Variants in ADAMTS18 observed in about 807,000 individuals in gnomAD.
ADAMTS18 encodes the protein ADAM metallopeptidase with thrombospondin type 1 motif 18.
Under a neutral mutation model 165.9 loss-of-function variants are expected in ADAMTS18, and 157 were observed. The observed-to-expected ratio is 0.95, with a 90% CI of 0.83 to 1.08. The LOEUF is 1.08. ADAMTS18 is among the 50% of genes least tolerant of loss of function. The pLI, the probability that ADAMTS18 is intolerant of heterozygous loss-of-function variation, is 0.00. For missense variants in ADAMTS18, 2,040 were observed against 1,534.0 expected, an observed-to-expected ratio of 1.33 and a Z score of -5.51; for synonymous variants, 782 against 578.2, an observed-to-expected ratio of 1.35 and a Z score of -5.06.
At chr16:77,295,251 G>C in intron 18 of ADAMTS18, 124 bp from the exon 19 acceptor site, 1 of 973,278 alleles carries the variant, frequency 1.0e-6, no homozygotes, top group African/African-American at 1.6e-5. Flanking sequence ...AATAAGATAA[G>C]TTATTCTAAT....
At chr16:77,375,802 A>C (rs1204325888) in intron 3 of ADAMTS18, among the ~76,000 whole-genome samples, 8 of 152,186 alleles carry the variant, frequency 5.3e-5, no homozygotes, top group Admixed American at 5.2e-4. Flanking sequence ...AGGCTGTACA[A>C]GAAGCATGAC....
chr16:77,393,158 T>C (rs12373076), intron 3 of ADAMTS18, among the ~76,000 whole-genome samples: 18,502 of 152,240 alleles, frequency 0.12, 1,407 homozygotes, highest in East Asian at 0.24. Flanking sequence ...TGAAAACAGA[T>C]GTCCAGAGCA....
intron 6 of ADAMTS18, among the ~76,000 whole-genome samples, chr16:77,363,213 G>C (rs2056741283): frequency 6.6e-6 from 1 of 152,248 alleles, no homozygotes; most frequent in Non-Finnish European, 1.5e-5. Flanking sequence ...TACATGTTCT[G>C]GTTTTCATAA....
chr16:77,422,946 G>A (rs988718059), intron 3 of ADAMTS18, among the ~76,000 whole-genome samples: 13 of 152,112 alleles, frequency 8.5e-5, no homozygotes, highest in Admixed American at 2.6e-4. Context: ...AGGCAGTCTC[G>A]TTTCCACTGA....
At chr16:77,305,147 T>C (rs1367387465) in intron 16 of ADAMTS18, among the ~76,000 whole-genome samples, 1 of 152,204 alleles carries the variant, frequency 6.6e-6, no homozygotes, top group Non-Finnish European at 1.5e-5. Flanking sequence ...GATAAGTATG[T>C]GCCAATTGTA....
chr16:77,306,314 G>A (rs888815942), intron 16 of ADAMTS18, among the ~76,000 whole-genome samples: 17 of 152,300 alleles, frequency 1.1e-4, no homozygotes, highest in African/African-American at 4.1e-4. Flanking sequence ...GCAGGGTGCA[G>A]AGTTATAAAA....
At chr16:77,344,476 G>C (rs2056446409) in intron 10 of ADAMTS18, among the ~76,000 whole-genome samples, 6 of 152,072 alleles carry the variant, frequency 3.9e-5, no homozygotes, top group Admixed American at 3.9e-4. Flanking sequence ...CAATCAATGT[G>C]GGTAAGAGAG....
chr16:77,321,431 A>C (rs551763952), intron 14 of ADAMTS18, among the ~76,000 whole-genome samples: 1 of 152,202 alleles, frequency 6.6e-6, no homozygotes, highest in Non-Finnish European at 1.5e-5. Context: ...TAGACTCTTC[A>C]TCAATGAAAC....
intron 3 of ADAMTS18, among the ~76,000 whole-genome samples, chr16:77,420,515 T>C (rs1039668674): frequency 1.3e-5 from 2 of 152,166 alleles, no homozygotes; most frequent in African/African-American, 4.8e-5. Flanking sequence ...GCACTAAGAA[T>C]CACTGTTCTA....
chr16:77,432,268 T>C (rs1490446076), intron 2 of ADAMTS18: 9 of 152,832 alleles, frequency 5.9e-5, no homozygotes, highest in Admixed American at 5.9e-4. Flanking sequence ...TCCCATTTAA[T>C]TGTAAGCATA....
intron 12 of ADAMTS18, among the ~76,000 whole-genome samples, chr16:77,327,236 A>C (rs1243922597): frequency 2.0e-5 from 3 of 152,166 alleles, no homozygotes; most frequent in Non-Finnish European, 4.4e-5. Flanking sequence ...TGGTTACATA[A>C]AAAAGTTCTT....
chr16:77,285,751 C>A (rs1463593181), intron 22 of ADAMTS18, among the ~76,000 whole-genome samples: 1 of 152,090 alleles, frequency 6.6e-6, no homozygotes, highest in Non-Finnish European at 1.5e-5. Flanking sequence ...TGAAGATGAC[C>A]TTGGAATCAT....
chr16:77,407,443 G>A (rs575360912), intron 3 of ADAMTS18, among the ~76,000 whole-genome samples: 152 of 152,052 alleles, frequency 1.0e-3, no homozygotes, highest in African/African-American at 3.3e-3. Flanking sequence ...CAGAATTTTG[G>A]TAGAAATTGG....
At chr16:77,285,038 G>A (rs1166072047) in intron 22 of ADAMTS18, among the ~76,000 whole-genome samples, 1 of 152,136 alleles carries the variant, frequency 6.6e-6, no homozygotes, top group African/African-American at 2.4e-5. Flanking sequence ...TTCTTTAGTT[G>A]TTCAATGAGC....
intron 3 of ADAMTS18, among the ~76,000 whole-genome samples, chr16:77,401,006 A>C (rs1446043573): frequency 6.6e-6 from 1 of 152,054 alleles, no homozygotes; most frequent in African/African-American, 2.4e-5. Flanking sequence ...CTGTAATTCT[A>C]GCACTTTGGG....
chr16:77,363,920 A>C, intron 5 of ADAMTS18, 35 bp from the exon 6 acceptor site: 1 of 1,604,856 alleles, frequency 6.2e-7, no homozygotes, highest in Non-Finnish European at 8.5e-7. Context: ...AAAATCTCAA[A>C]ATTTTCAAAA....
At chr16:77,434,270 T>TC in intron 2 of ADAMTS18, 148 bp downstream of exon 2, 3 of 932,882 alleles carry the variant, frequency 3.2e-6, no homozygotes, top group Middle Eastern at 3.3e-4. Context: ...TTGCCAACCT[T>TC]CCCCCCTCTC....
chr16:77,348,845 G>T (rs2056514439), intron 10 of ADAMTS18, among the ~76,000 whole-genome samples: 1 of 152,132 alleles, frequency 6.6e-6, no homozygotes, highest in South Asian at 2.1e-4. Flanking sequence ...AGGAAATAAG[G>T]AGGTAACACT....
intron 22 of ADAMTS18, 112 bp from the exon 23 acceptor site, chr16:77,284,183 T>C (rs1365592154): frequency 1.4e-6 from 1 of 705,236 alleles, no homozygotes; most frequent in Non-Finnish European, 2.5e-6. Flanking sequence ...TGCAGTGGTG[T>C]GGTGTGATCT....
Sources: gnomAD v4.1 joint callset for allele counts (sites outside exome capture counted in the v4.1 genomes callset) on GRCh38, gnomAD v4.1.1 for gene constraint, MANE v1.5 for transcripts, NCBI Gene and HGNC (gene_info 2026-07-23, HGNC 2026-07-21) for gene names.